ZC3H14: variants seen among roughly 807,000 people sequenced by gnomAD.
ZC3H14 encodes zinc finger CCCH-type containing 14.
A neutral mutation model predicts 92.4 loss-of-function variants in ZC3H14; 31 were observed. That is an observed-to-expected ratio of 0.34 (90% CI 0.25 to 0.45). ZC3H14 has a LOEUF of 0.45. Ranked by LOEUF, ZC3H14 falls within the 20% of genes least tolerant of loss-of-function variation. The pLI is 1.00. For synonymous variants in ZC3H14, 321 were observed against 300.9 expected (o/e 1.07, Z -0.69); for missense variants, 781 against 897.3 (o/e 0.87, Z 1.66).
chr14:88,619,243 T>C lies in ZC3H14; in HGVS notation c.*7492T>C, dbSNP rs2140280694. The stretch of plus-strand genomic sequence containing the variant: ...AGCCAGGCATGGTGGTGCACGCCTG[T>C]AATCCCATCTACTCGGGAGGCTGAA... On this transcript the variant is annotated 3_prime_UTR_variant, in exon 17 of 17. Coordinates refer to ENST00000251038, the MANE Select transcript of ZC3H14 (RefSeq NM_024824.5). The C allele has an allele frequency of 6.5e-6, 1 of 153,904 alleles. No individual in the cohort carries two copies. The highest frequency in any genetic ancestry group is 1.4e-5 in the Non-Finnish European group (1 of 69,240). The allele number at this position is 153,904 out of a possible 1,614,324, so 9.5% of individuals were successfully genotyped here. A position where few individuals can be genotyped will look rare whatever the true frequency, so the allele number is the denominator to read the frequency against.
chr14:88,589,358 CCTT>C (rs928688207), intron 9 of ZC3H14: 25 of 152,102 alleles, frequency 1.6e-4, no homozygotes, highest in African/African-American at 5.8e-4. Context: ...CATTCACAAG[CCTT>C]CTTCTCTGCC....
rs564764019 is a variant in ZC3H14, at chr14:88,627,544, G to C, written c.*15793G>C. The C allele has an allele frequency of 1.1e-4, 134 of 1,217,380 alleles. No individual in the cohort carries two copies. In the Admixed American group the frequency reaches 3.5e-3, roughly 31 times the overall value. 75.4% of individuals were successfully genotyped at this position (1,217,380 alleles called of 1,614,324 possible). On this transcript the variant is annotated 3_prime_UTR_variant, in exon 17 of 17. Transcript: ENST00000251038. The stretch of plus-strand genomic sequence containing the variant: ...TATATTGCATAGGCCTCCACTGAAT[G>C]ATTGTTTCAACCACCAACTTTAAGA...
chr14:88,608,904 T>G, intron 13 of ZC3H14: 1 of 271,288 alleles, frequency 3.7e-6, no homozygotes, highest in Non-Finnish European at 7.1e-6. Flanking sequence ...ATAAGGAGAG[T>G]ATGGGATGAG....
intron 9 of ZC3H14, among the ~76,000 whole-genome samples, chr14:88,579,657 A>T (rs1188566766): frequency 6.6e-6 from 1 of 152,228 alleles, no homozygotes; most frequent in Non-Finnish European, 1.5e-5. Context: ...ATTTTTTAAC[A>T]TCACAAAATC....
chr14:88,604,883 C>T (rs147538102), intron 12 of ZC3H14, among the ~76,000 whole-genome samples: 14 of 152,218 alleles, frequency 9.2e-5, no homozygotes, highest in African/African-American at 2.6e-4. Flanking sequence ...TGTGAGCCAC[C>T]GTGCCTGGCC....
At chr14:88,609,569 G>A (rs1438579294) in intron 14 of ZC3H14, 143 bp from the exon 15 acceptor site, 5 of 1,357,760 alleles carry the variant, frequency 3.7e-6, no homozygotes, top group South Asian at 2.4e-5. Flanking sequence ...GTAGTATTCC[G>A]AAGTATTTTG....
chr14:88,573,709 A>C (rs1017585816), intron 6 of ZC3H14: 1 of 152,126 alleles, frequency 6.6e-6, no homozygotes, highest in African/African-American at 2.4e-5. Context: ...TGTGCTTCCC[A>C]GGTTCAAGTG....
In ZC3H14 at chr14:88,626,958, C is replaced by T. The variant is rs2090015902; in HGVS notation, c.*15207C>T. The T allele has an allele frequency of 6.2e-7, 1 of 1,613,898 alleles. No individual in the cohort carries two copies. Among genetic ancestry groups the T allele is most frequent in the East Asian group, 2.2e-5 (1 of 44,880 alleles). ...TCCAGAACTTCACATGTTTTACTCC[C>T]ACTGAGACAAACTGGGTATCTGAAT... On this transcript the variant is annotated 3_prime_UTR_variant, in exon 17 of 17. Transcript: ENST00000251038.
intron 9 of ZC3H14, among the ~76,000 whole-genome samples, chr14:88,588,710 C>CATTGTTTTCATTGCTGTTTTCATTG (rs2082744614): frequency 6.6e-6 from 1 of 151,976 alleles, no homozygotes; most frequent in African/African-American, 2.4e-5. Context: ...AATTTGCTGT[C>CATTGTTTTCATTGCTGTTTTCATTG]CTTGTTTTCA....
intron 2 of ZC3H14, among the ~76,000 whole-genome samples, chr14:88,567,443 A>G (rs2079846230): frequency 6.8e-6 from 1 of 147,946 alleles, no homozygotes; most frequent in South Asian, 2.1e-4. Context: ...TTTTTATCCT[A>G]GACCTCACCC....
intron 4 of ZC3H14, among the ~76,000 whole-genome samples, chr14:88,571,607 A>G (rs2080401871): frequency 6.6e-6 from 1 of 152,224 alleles, no homozygotes; most frequent in East Asian, 1.9e-4. Flanking sequence ...TATTTTTAAA[A>G]TTTTCTACAA....
chr14:88,602,980 G>A lies in ZC3H14; in HGVS notation c.1667G>A (p.Gly556Glu). 1 of 1,614,152 alleles carries A rather than the reference G, an allele frequency of 6.2e-7. No individual in the cohort carries two copies. The highest frequency in any genetic ancestry group is 8.5e-7 in the Non-Finnish European group (1 of 1,180,022). Residue 556 changes from glycine to glutamate, a missense_variant, in exon 12 of 17, where the codon GGA becomes GAA. By Grantham distance (98) the Gly-to-Glu change is moderately conservative. Around this residue, in one of 3 missense-constraint regions of ZC3H14, gnomAD observed 221 missense variants for 304.7 expected, o/e 0.73. Coordinates refer to ENST00000251038, the MANE Select transcript of ZC3H14 (RefSeq NM_024824.5). Reference sequence around the variant, plus strand: ...AACCAAACTGCAGCCTCAAACAAGGGACTCAGAGGTCTCCTCCACCCACAG... The same window carrying A: ...AACCAAACTGCAGCCTCAAACAAGGAACTCAGAGGTCTCCTCCACCCACAG... ...PVNQTAASNK[G>E]LRGLLHPQQL...
In ZC3H14 at chr14:88,614,668, G is replaced by T. The variant is rs985850367; in HGVS notation, c.*2917G>T. ...TTCAATCTTCAGGAAACTACAGATA[G>T]GCTAGACAGCGAATTCCTGAATGAT... On this transcript the variant is annotated 3_prime_UTR_variant, in exon 17 of 17. Coordinates refer to ENST00000251038, the MANE Select transcript of ZC3H14 (RefSeq NM_024824.5). 1 of 152,142 alleles carries T rather than the reference G, an allele frequency of 6.6e-6. No individual in the cohort carries two copies. The highest frequency in any genetic ancestry group is 2.4e-5 in the African/African-American group (1 of 41,436). The allele number at this position is 152,142 out of a possible 1,614,324, so 9.4% of individuals were successfully genotyped here.
intron 1 of ZC3H14, 153 bp from the exon 2 acceptor site, chr14:88,563,498 G>T: frequency 6.6e-7 from 1 of 1,506,620 alleles, no homozygotes; most frequent in Non-Finnish European, 8.9e-7. Context: ...GTGGGGTGCG[G>T]GGTGGGGGGC....
intron 9 of ZC3H14, among the ~76,000 whole-genome samples, chr14:88,585,811 A>G (rs1433309742): frequency 6.6e-6 from 1 of 152,220 alleles, no homozygotes; most frequent in Non-Finnish European, 1.5e-5. Context: ...ATACCTATGA[A>G]GAGCTTCAGT....
intron 10 of ZC3H14, among the ~76,000 whole-genome samples, 172 bp downstream of exon 10, chr14:88,596,980 A>G (rs1474312203): frequency 6.6e-6 from 1 of 152,084 alleles, no homozygotes; most frequent in Non-Finnish European, 1.5e-5. Flanking sequence ...CTTTCATGTT[A>G]TATAGTGTTA....
At chr14:88,570,123 C>T (rs2080204719) in intron 3 of ZC3H14, among the ~76,000 whole-genome samples, 1 of 152,170 alleles carries the variant, frequency 6.6e-6, no homozygotes, top group South Asian at 2.1e-4. Flanking sequence ...TCAACATTCT[C>T]ATCTGGCCAT....
rs1448856903 is a variant in ZC3H14 at position 88,574,750 on chromosome 14, A to G, written c.919A>G (p.Lys307Glu). 1.2e-6 allele frequency: 2 copies of G among 1,614,070 alleles called. No homozygotes were observed. The highest frequency in any genetic ancestry group is 1.7e-6 in the Non-Finnish European group (2 of 1,180,044). The change falls in exon 7 of 17, where the codon AAA (lysine) becomes GAA (glutamate). Residue 307 changes from lysine to glutamate, a missense_variant. Transcript: ENST00000251038. ...PVVSSVVKVK[K>E]FNHDGEEEEE... ...GGTAAGTTCAGTTGTTAAAGTAAAA[A>G]AATTCAATCATGATGGAGAAGAGGA...
At chr14:88,566,833 T>C (rs1042220528) in intron 2 of ZC3H14, among the ~76,000 whole-genome samples, 4 of 150,884 alleles carry the variant, frequency 2.7e-5, no homozygotes, top group Non-Finnish European at 5.9e-5. Context: ...GGCAGGAGAA[T>C]CGCTTGAACC....
Sources: gnomAD v4.1 joint callset for allele counts (sites outside exome capture counted in the v4.1 genomes callset) on GRCh38, gnomAD v4.1.1 for gene constraint, gnomAD v4.1.1 regional missense constraint, MANE v1.5 for transcripts, NCBI Gene and HGNC (gene_info 2026-07-23, HGNC 2026-07-21) for gene names.